The following DAB2IP variants were observed in gnomAD, a reference collection of about 807,000 sequenced individuals.
The protein encoded by DAB2IP is DAB2 interacting protein.
A neutral mutation model predicts 107.2 loss-of-function variants in DAB2IP; 28 were observed. The observed-to-expected ratio is 0.26, with a 90% CI of 0.19 to 0.36. The LOEUF is 0.36. Among genes scored for constraint, DAB2IP ranks in the 10% least tolerant of loss-of-function variants. DAB2IP has a pLI of 1.00. For synonymous variants in DAB2IP, 755 were observed against 706.4 expected (o/e 1.07, Z -1.09); for missense variants, 1,400 against 1,644.7 (o/e 0.85, Z 2.57).
chr9:121,578,622 C>T (rs1830119002), intron 1 of DAB2IP, among the ~76,000 whole-genome samples: 2 of 147,130 alleles, frequency 1.4e-5, no homozygotes, highest in Admixed American at 6.7e-5. Context: ...TGTATGAGGA[C>T]CCCCCCATCG....
At position 121,772,916 on chromosome 9, in the gene DAB2IP, G is replaced by C; in HGVS notation, c.2388G>C (p.Gly796=). ...GGGCAACCCCAGTGAACCTGGCAGG[G>C]CTGGCCACGGTGCGGCGGGCAGGCC... Residue 796 remains glycine (G), a synonymous_variant, in exon 12 of 16, where the codon GGG becomes GGC. Coordinates refer to ENST00000408936, the Ensembl canonical transcript of DAB2IP. The surrounding 1 kb of genome is among the most constrained non-coding windows in gnomAD (Gnocchi z 4.7). 1 of 1,565,762 alleles carries C rather than the reference G, an allele frequency of 6.4e-7. No homozygotes were observed. The highest frequency in any genetic ancestry group is 1.8e-5 in the Admixed American group (1 of 56,192).
upstream of DAB2IP, among the ~76,000 whole-genome samples, chr9:121,650,465 G>C (rs1832700820): frequency 6.6e-6 from 1 of 152,206 alleles, no homozygotes; most frequent in South Asian, 2.1e-4. Flanking sequence ...CTTCCCCACT[G>C]TTCTGGAGGA....
rs1589512600 is a variant in DAB2IP, at chr9:121,684,911, A to G, written c.228+6130A>G. 3.9e-5 allele frequency among the ~76,000 whole-genome samples: 6 copies of G among 152,154 alleles called. 1 individual carries two copies. The South Asian group carries it at 1.2e-3, about 32-fold the overall frequency. ...ATGGTCGTTCACTTGGGACATATTT[A>G]TGTTTGTGGCCCATCAACCAGTGGA... On this transcript the variant is annotated intron_variant, in intron 2 of 15. Coordinates refer to ENST00000408936, the Ensembl canonical transcript of DAB2IP. This position sits in a 1 kb window ranked among gnomAD's most constrained non-coding sequence, Gnocchi z 4.0.
At chr9:121,783,888 G>A (rs1835831956) in exon 16 of DAB2IP, 1 of 355,390 alleles carries the variant, frequency 2.8e-6, no homozygotes, top group Non-Finnish European at 5.3e-6. Context: ...CCCAGCCCCT[G>A]CAGATTCTGA....
chr9:121,591,280 C>A (rs540416610), intron 1 of DAB2IP, among the ~76,000 whole-genome samples: 117 of 152,252 alleles, frequency 7.7e-4, no homozygotes, highest in Non-Finnish European at 1.3e-3. Context: ...ACCAGCCTGG[C>A]CAACATAGTG....
At chr9:121,611,134 C>A (rs912202017) in intron 1 of DAB2IP, among the ~76,000 whole-genome samples, 1 of 152,140 alleles carries the variant, frequency 6.6e-6, no homozygotes, top group Non-Finnish European at 1.5e-5. Flanking sequence ...TGCCACCACG[C>A]CCGGCTAATT....
Position 121,626,089 on chromosome 9 carries a change from G to C in DAB2IP, c.41-52589G>C, listed in dbSNP as rs1248113627. ...CTCTGAGGAGCTCCCTACTAAGAAGGGCAGGCAGAATTATGATTCAAGGCA... is the reference window on the plus strand; with the variant it reads ...CTCTGAGGAGCTCCCTACTAAGAAGCGCAGGCAGAATTATGATTCAAGGCA... On this transcript the variant is annotated intron_variant, in intron 1 of 16. Coordinates refer to the DAB2IP transcript ENST00000259371. 3.3e-5 allele frequency among the ~76,000 whole-genome samples: 5 copies of C among 152,160 alleles called. No individual in the cohort carries two copies. The East Asian group carries it at 7.7e-4, about 23-fold the overall frequency.
rs544643195 is a variant in DAB2IP, at chr9:121,754,840, T to C, written c.363-2173T>C. On this transcript the variant is annotated intron_variant, in intron 3 of 15. Coordinates refer to ENST00000408936, the Ensembl canonical transcript of DAB2IP. ...CTCGCCTCTCCTCTCCACAGCCAGC[T>C]CATTCATGCGCCCCAGGCAGGAGGC... Among the ~76,000 whole-genome samples, 6 of 152,216 alleles carry C rather than the reference T, an allele frequency of 3.9e-5. No homozygotes were observed. The East Asian group carries it at 9.7e-4, about 25-fold the overall frequency.
intron 1 of DAB2IP, among the ~76,000 whole-genome samples, chr9:121,642,048 T>TC (rs1178370530): frequency 8.2e-5 from 4 of 48,498 alleles, no homozygotes; most frequent in South Asian, 2.1e-3. Flanking sequence ...TCTTTCTTTC[T>TC]TTCTTTCTTT....
chr9:121,725,354 A>G (rs1382277237), intron 3 of DAB2IP, among the ~76,000 whole-genome samples: 2 of 152,114 alleles, frequency 1.3e-5, no homozygotes, highest in African/African-American at 2.4e-5. Flanking sequence ...GGGAGAGCCA[A>G]TTGGCGGGCC....
intron 1 of DAB2IP, among the ~76,000 whole-genome samples, chr9:121,676,433 CAT>C (rs1447844628): frequency 1.3e-5 from 2 of 152,142 alleles, no homozygotes; most frequent in Non-Finnish European, 2.9e-5. Flanking sequence ...TAAACATGCA[CAT>C]GTGTTTGTCT....
At chr9:121,717,084 C>T (rs933079387) in intron 3 of DAB2IP, among the ~76,000 whole-genome samples, 15 of 152,212 alleles carry the variant, frequency 9.9e-5, no homozygotes. Context: ...GAGCCTGGGG[C>T]AGCCCCGGGG....
At chr9:121,622,600 C>G (rs1831512782) in intron 1 of DAB2IP, among the ~76,000 whole-genome samples, 1 of 152,168 alleles carries the variant, frequency 6.6e-6, no homozygotes, top group African/African-American at 2.4e-5. Context: ...TTTCCTGTCT[C>G]TCTCTCGGGA....
intron 1 of DAB2IP, among the ~76,000 whole-genome samples, chr9:121,601,570 G>A (rs4836859): frequency 0.25 from 38,449 of 152,012 alleles, 5,460 homozygotes; most frequent in South Asian, 0.38. Flanking sequence ...ATTCTGTTCC[G>A]TCCCTTCAGC....
chr9:121,658,227 G>A (rs1319249745), intron 1 of DAB2IP, among the ~76,000 whole-genome samples: 1 of 152,194 alleles, frequency 6.6e-6, no homozygotes, highest in African/African-American at 2.4e-5. Context: ...GAAAGGCAAT[G>A]GCTGTGATAT....
chr9:121,772,492 CTCAGGCTGCCAGGCCCCG>C lies in DAB2IP; in HGVS notation c.2079-114_2079-97del. The stretch of plus-strand genomic sequence containing the variant: ...AGCGCATCCATCTCCCCAGCGCTGG[CTCAGGCTGCCAGGCCCCG>C]GCAGGTTGGCGGGTGCTGTCGGTTT... On this transcript the variant is annotated intron_variant, in intron 11 of 15. Coordinates refer to ENST00000408936, the Ensembl canonical transcript of DAB2IP. This position sits in a 1 kb window ranked among gnomAD's most constrained non-coding sequence, Gnocchi z 4.7. 8.4e-7 allele frequency: 1 copy of C among 1,195,220 alleles called. No individual in the cohort carries two copies. The highest frequency in any genetic ancestry group is 1.4e-5 in the South Asian group (1 of 69,622). The allele number at this position is 1,195,220 out of a possible 1,614,324, so 74.0% of individuals were successfully genotyped here.
In DAB2IP at chr9:121,633,106, G is replaced by A. The variant is rs935008697; in HGVS notation, c.41-45572G>A. On this transcript the variant is annotated intron_variant, in intron 1 of 16. Coordinates refer to the DAB2IP transcript ENST00000259371. This position sits in a 1 kb window ranked among gnomAD's most constrained non-coding sequence, Gnocchi z 5.1. ...TTGTAGAGCATGTGGATGCATATTTGGGGGGCTTAATCTTCTTAATAAATT... is the reference window on the plus strand; with the variant it reads ...TTGTAGAGCATGTGGATGCATATTTAGGGGGCTTAATCTTCTTAATAAATT... Among the ~76,000 whole-genome samples the A allele has an allele frequency of 4.6e-5, 7 of 152,160 alleles. No homozygotes were observed. Among genetic ancestry groups the A allele is most frequent in the African/African-American group, 1.4e-4 (6 of 41,434 alleles).
chr9:121,783,801 T>C (rs1835824860), exon 16 of DAB2IP: 4 of 567,918 alleles, frequency 7.0e-6, no homozygotes, highest in Non-Finnish European at 1.3e-5. Flanking sequence ...TCTAGGCTGT[T>C]CTGTAGCTTA....
At chr9:121,755,916 G>A (rs1833446036) in intron 3 of DAB2IP, among the ~76,000 whole-genome samples, 1 of 152,198 alleles carries the variant, frequency 6.6e-6, no homozygotes, top group Admixed American at 6.5e-5. Context: ...AGAGAATGAT[G>A]GACTGAGCAC....
Sources: gnomAD v4.1 joint callset for allele counts (sites outside exome capture counted in the v4.1 genomes callset) on GRCh38, gnomAD v4.1.1 for gene constraint, Gnocchi (gnomAD v3.1) non-coding constraint, MANE v1.5 for transcripts, NCBI Gene and HGNC (gene_info 2026-07-23, HGNC 2026-07-21) for gene names.